PJA2: variants seen among roughly 807,000 people sequenced by gnomAD.
PJA2 encodes the protein praja ring finger ubiquitin ligase 2, also known as E3 ubiquitin-protein ligase Praja-2.
Under a neutral mutation model 69.3 loss-of-function variants are expected in PJA2, and 25 were observed. The observed-to-expected ratio is 0.36, with a 90% CI of 0.26 to 0.50. The LOEUF (loss-of-function observed/expected upper bound fraction) is 0.50. Ranked by LOEUF, PJA2 falls within the 20% of genes least tolerant of loss-of-function variation. The pLI is 0.96. For missense variants in PJA2, 809 were observed against 830.2 expected, an observed-to-expected ratio of 0.97 and a Z score of 0.31; for synonymous variants, 308 against 277.8, an observed-to-expected ratio of 1.11 and a Z score of -1.08.
rs1013311396 is a variant in PJA2 at position 109,389,188 on chromosome 5, T to C, written c.-87-5668A>G. On this transcript the variant is annotated intron_variant, in intron 1 of 9. Transcript: ENST00000361189. ...AAATATGCAAATAAATCTTTCTATC[T>C]TCTTCTTGTTCTCTAGAAGAGTCTG... 1.3e-4 allele frequency among the ~76,000 whole-genome samples: 20 copies of C among 152,180 alleles called. 1 individual carries two copies. The highest frequency in any genetic ancestry group is 4.8e-4 in the African/African-American group (20 of 41,454).
At chr5:109,365,637 G>C (rs1002598376) in intron 5 of PJA2, among the ~76,000 whole-genome samples, 2 of 151,962 alleles carry the variant, frequency 1.3e-5, no homozygotes, top group Admixed American at 1.3e-4. Flanking sequence ...AGTTCAACCA[G>C]AAATAGCTAC....
At chr5:109,389,009 C>T (rs867540805) in intron 1 of PJA2, among the ~76,000 whole-genome samples, 1 of 152,158 alleles carries the variant, frequency 6.6e-6, no homozygotes, top group South Asian at 2.1e-4. Context: ...AGCTATTTTA[C>T]ATTCCCCAAA....
chr5:109,352,068 GGAGA>G (rs778539690), intron 7 of PJA2, among the ~76,000 whole-genome samples: 15 of 152,126 alleles, frequency 9.9e-5, no homozygotes, highest in Non-Finnish European at 1.5e-4. Context: ...AAGCTTTAGA[GGAGA>G]GAGATGCTTA....
intron 1 of PJA2, among the ~76,000 whole-genome samples, chr5:109,396,938 G>A (rs1186720572): frequency 6.6e-6 from 1 of 152,174 alleles, no homozygotes; most frequent in Non-Finnish European, 1.5e-5. Context: ...TATTGTCAGT[G>A]CTATGGTTTG....
chr5:109,342,717 C>G (rs1762098172), intron 9 of PJA2, among the ~76,000 whole-genome samples: 1 of 138,246 alleles, frequency 7.2e-6, no homozygotes, highest in Non-Finnish European at 1.6e-5. Flanking sequence ...AGTCAGCCCC[C>G]CCGCCCGGCC....
intron 5 of PJA2, 133 bp downstream of exon 5, chr5:109,368,428 T>A (rs1762620622): frequency 2.9e-6 from 2 of 679,610 alleles, no homozygotes; most frequent in African/African-American, 1.8e-5. Context: ...AAAAGCATAA[T>A]GAAAAAATCA....
At chr5:109,351,576 G>A (rs1762252514) in intron 7 of PJA2, among the ~76,000 whole-genome samples, 1 of 152,030 alleles carries the variant, frequency 6.6e-6, no homozygotes, top group Non-Finnish European at 1.5e-5. Flanking sequence ...TGTGCAAGGG[G>A]ATTTTTTCAA....
At position 109,368,727 on chromosome 5, in the gene PJA2, C is replaced by T. The variant is rs996897926; in HGVS notation, c.1303G>A (p.Glu435Lys). The T allele has an allele frequency of 6.2e-7, 1 of 1,613,252 alleles. No homozygotes were observed. The highest frequency in any genetic ancestry group is 8.5e-7 in the Non-Finnish European group (1 of 1,179,694). The change falls in exon 5 of 10, where the codon GAA (glutamate) becomes AAA (lysine). Residue 435 changes from glutamate (E) to lysine (K), a missense_variant. By Grantham distance (56) the Glu-to-Lys change is moderately conservative (BLOSUM62 1). Transcript: ENST00000361189. ...DEDSSECSDG[E>K]WSASLPHRFS... ...CGATGAGGCAAAGAAGCAGACCATTCCCCATCACTGCATTCAGAACTGCAA... is the reference window on the plus strand; with the variant it reads ...CGATGAGGCAAAGAAGCAGACCATTTCCCATCACTGCATTCAGAACTGCAA...
At chr5:109,409,210 C>T (rs1747765120) in intron 1 of PJA2, 2 of 134,942 alleles carry the variant, frequency 1.5e-5, no homozygotes, top group East Asian at 2.3e-4. Context: ...ACATCGCTAA[C>T]TGAGAGCAGC....
At position 109,368,561 on chromosome 5, in the gene PJA2, C is replaced by G; in HGVS notation, c.1469G>C (p.Gly490Ala). 6 of 1,610,200 alleles carry G rather than the reference C, an allele frequency of 3.7e-6. No homozygotes were observed. The highest frequency in any genetic ancestry group is 5.1e-6 in the Non-Finnish European group (6 of 1,178,232). ...AAATAAATCTCACTGTTGAACATAC[C>G]CTTCCTGAAGAGATAATTCTTGGTT... ...EENQELSLQE[G>A]EQTSLEEGEI... Residue 490 changes from glycine to alanine, a missense_variant and splice_region_variant, in exon 5 of 10, where the codon GGG (glycine) becomes GCG (alanine). Physicochemically the swap from Gly to Ala is moderately conservative, Grantham distance 60. Transcript: ENST00000361189.
intron 5 of PJA2, among the ~76,000 whole-genome samples, chr5:109,365,723 T>C (rs1410691719): frequency 3.3e-5 from 5 of 152,202 alleles, no homozygotes; most frequent in Non-Finnish European, 7.4e-5. Context: ...CTGTATTCAC[T>C]CTTACTGGTA....
chr5:109,405,088 C>G (rs1747652226), intron 1 of PJA2, among the ~76,000 whole-genome samples: 1 of 152,154 alleles, frequency 6.6e-6, no homozygotes, highest in Non-Finnish European at 1.5e-5. Context: ...ATGAATTTAG[C>G]AAGGTTGCAA....
chr5:109,355,723 T>A (rs1001950520), intron 7 of PJA2, among the ~76,000 whole-genome samples, 192 bp downstream of exon 7: 1 of 152,214 alleles, frequency 6.6e-6, no homozygotes, highest in Non-Finnish European at 1.5e-5. Flanking sequence ...AATACTGAAA[T>A]TTAAGGCAAA....
intron 6 of PJA2, among the ~76,000 whole-genome samples, chr5:109,361,712 T>A (rs1287452879): frequency 6.6e-6 from 1 of 152,180 alleles, no homozygotes; most frequent in African/African-American, 2.4e-5. Flanking sequence ...CCAGAAAATG[T>A]GTTTTAGAGT....
intron 1 of PJA2, among the ~76,000 whole-genome samples, chr5:109,388,986 A>G (rs981135241): frequency 6.6e-6 from 1 of 152,192 alleles, no homozygotes; most frequent in Admixed American, 6.5e-5. Flanking sequence ...AACTATGACA[A>G]ATGTTATTAG....
intron 1 of PJA2, among the ~76,000 whole-genome samples, chr5:109,389,058 T>G (rs377419379): frequency 2.0e-5 from 3 of 152,208 alleles, no homozygotes; most frequent in African/African-American, 7.2e-5. Flanking sequence ...CCCTTTTATA[T>G]CTCACTGGAT....
intron 3 of PJA2, among the ~76,000 whole-genome samples, chr5:109,379,862 A>G (rs1260844628): frequency 6.6e-6 from 1 of 152,174 alleles, no homozygotes; most frequent in Non-Finnish European, 1.5e-5. Flanking sequence ...AAAAACAACA[A>G]AGAGATCAAT....
chr5:109,341,140 A>C (rs1225408053), intron 9 of PJA2, among the ~76,000 whole-genome samples: 2 of 87,848 alleles, frequency 2.3e-5, no homozygotes, highest in Admixed American at 1.2e-4. Context: ...CTGGCTGCCC[A>C]GTCTGGAAAG....
At chr5:109,357,857 G>A (rs901636336) in intron 6 of PJA2, among the ~76,000 whole-genome samples, 1 of 152,138 alleles carries the variant, frequency 6.6e-6, no homozygotes, top group Non-Finnish European at 1.5e-5. Context: ...CTCTTCAAAC[G>A]ATTGAAGACA....
Sources: allele counts gnomAD v4.1 joint callset (sites outside exome capture counted in the v4.1 genomes callset), GRCh38; gene constraint gnomAD v4.1.1; transcripts MANE v1.5; gene names NCBI Gene and HGNC (gene_info 2026-07-23, HGNC 2026-07-21).